The following SMAD5 variants were observed in gnomAD, a reference collection of about 807,000 sequenced individuals.
The protein encoded by SMAD5 is MAD, mothers against decapentaplegic homolog 5.
A neutral mutation model predicts 43.1 loss-of-function variants in SMAD5; 9 were observed. That is an observed-to-expected ratio of 0.21 (90% CI 0.13 to 0.36). The LOEUF (loss-of-function observed/expected upper bound fraction) is 0.36. Ranked by LOEUF, SMAD5 falls within the 10% of genes least tolerant of loss-of-function variation. The probability of loss-of-function intolerance (pLI) is 1.00; values close to 1 mark genes in which losing one functional copy is unlikely to be tolerated. For synonymous variants in SMAD5, 190 were observed against 192.4 expected (o/e 0.99, Z 0.10); for missense variants, 348 against 574.0 (o/e 0.61, Z 4.02).
chr5:136,136,399 A>G (rs938112038), intron 1 of SMAD5, among the ~76,000 whole-genome samples: 2 of 152,160 alleles, frequency 1.3e-5, no homozygotes, highest in Non-Finnish European at 2.9e-5. Context: ...GCTGGTCTTG[A>G]ACTCTTAACA....
intron 7 of SMAD5, among the ~76,000 whole-genome samples, chr5:136,176,881 C>G (rs1436095860): frequency 6.6e-6 from 1 of 152,088 alleles, no homozygotes; most frequent in Non-Finnish European, 1.5e-5. Context: ...TGTAAATACA[C>G]TGTTTCTCCT....
intron 6 of SMAD5, 46 bp from the exon 7 acceptor site, chr5:136,174,330 T>C: frequency 1.9e-6 from 3 of 1,586,358 alleles, no homozygotes; most frequent in Non-Finnish European, 2.6e-6. Flanking sequence ...TTGGTTTCAT[T>C]GTAATGATTC....
chr5:136,155,673 T>TA (rs1753610849), intron 3 of SMAD5, among the ~76,000 whole-genome samples: 2 of 152,228 alleles, frequency 1.3e-5, no homozygotes, highest in African/African-American at 4.8e-5. Flanking sequence ...GCTGTCTACT[T>TA]ATTCTCCCCC....
chr5:136,158,665 C>T (rs1263471384), intron 3 of SMAD5, among the ~76,000 whole-genome samples: 8 of 151,968 alleles, frequency 5.3e-5, no homozygotes, highest in South Asian at 2.1e-4. Context: ...TTTGGGAGGC[C>T]GAGGTGGGCA....
In SMAD5 at chr5:136,182,205, A is replaced by C. The variant is rs948639750; in HGVS notation, c.*4725A>C. ...GTGTTAGCTATAACAAAACTCCAGT[A>C]AGGCCAAAGAATCCCAAGTTCTTTG... On this transcript the variant is annotated 3_prime_UTR_variant, in exon 8 of 8. Coordinates refer to ENST00000545279, the MANE Select transcript of SMAD5 (RefSeq NM_005903.7). The C allele has an allele frequency of 1.3e-5, 2 of 151,366 alleles. No individual in the cohort carries two copies. Among genetic ancestry groups the C allele is most frequent in the African/African-American group, 4.9e-5 (2 of 40,984 alleles). The allele number at this position is 151,366 out of a possible 1,614,324, so 9.4% of individuals were successfully genotyped here. A position where few individuals can be genotyped will look rare whatever the true frequency, so the allele number is the denominator to read the frequency against.
chr5:136,147,341 T>C (rs1753293747), intron 1 of SMAD5: 2 of 151,846 alleles, frequency 1.3e-5, no homozygotes, highest in African/African-American at 4.8e-5. Flanking sequence ...GGTATAAAAA[T>C]AAGTTTGAAA....
intron 2 of SMAD5, among the ~76,000 whole-genome samples, chr5:136,151,952 G>A (rs146825421): frequency 1.3e-5 from 2 of 151,984 alleles, no homozygotes; most frequent in African/African-American, 4.8e-5. Context: ...AGTTCATTTA[G>A]TACATAACAC....
intron 1 of SMAD5, among the ~76,000 whole-genome samples, chr5:136,145,396 A>T (rs556647711): frequency 1.3e-5 from 2 of 152,084 alleles, no homozygotes; most frequent in East Asian, 3.9e-4. Flanking sequence ...AATTTGCAGG[A>T]TGGTTGTCAG....
rs913436065 is a variant in SMAD5 at position 136,178,223 on chromosome 5, T to G, written c.*743T>G. The G allele has an allele frequency of 6.6e-6, 1 of 152,640 alleles. No individual in the cohort carries two copies. Among genetic ancestry groups the G allele is most frequent in the African/African-American group, 2.4e-5 (1 of 41,434 alleles). The allele number at this position is 152,640 out of a possible 1,614,324, so 9.5% of individuals were successfully genotyped here. On this transcript the variant is annotated 3_prime_UTR_variant, in exon 8 of 8. Transcript: ENST00000545279. The stretch of plus-strand genomic sequence containing the variant: ...ACTCAAAATCTGTCATAAGCATTAC[T>G]TTATAGCTAGTGACAGTGCATGCAC...
intron 1 of SMAD5, among the ~76,000 whole-genome samples, chr5:136,140,641 T>A (rs1231778116): frequency 6.6e-6 from 1 of 152,090 alleles, no homozygotes; most frequent in Non-Finnish European, 1.5e-5. Flanking sequence ...GTTGGCACCT[T>A]CTTGGTGAGA....
chr5:136,155,731 A>G (rs1378980256), intron 3 of SMAD5, among the ~76,000 whole-genome samples: 1 of 152,124 alleles, frequency 6.6e-6, no homozygotes, highest in African/African-American at 2.4e-5. Flanking sequence ...TCCTTGCTCA[A>G]ATATCCGCAT....
Position 136,177,560 on chromosome 5 carries a change from C to A in SMAD5, c.*80C>A. On this transcript the variant is annotated 3_prime_UTR_variant, in exon 8 of 8. Transcript: ENST00000545279. Reference sequence around the variant, plus strand: ...AAACTTTGAGTACAGATACTGTGAGCTTACATTGAAAACAGATATTACAGC... The same window carrying A: ...AAACTTTGAGTACAGATACTGTGAGATTACATTGAAAACAGATATTACAGC... The A allele has an allele frequency of 9.3e-7, 1 of 1,072,400 alleles. No homozygotes were observed. The highest frequency in any genetic ancestry group is 1.6e-5 in the South Asian group (1 of 62,284). 66.4% of individuals were successfully genotyped at this position (1,072,400 alleles called of 1,614,324 possible).
At chr5:136,159,969 A>G (rs1019642972) in intron 3 of SMAD5, among the ~76,000 whole-genome samples, 3 of 152,208 alleles carry the variant, frequency 2.0e-5, no homozygotes, top group Admixed American at 6.5e-5. Flanking sequence ...ATACAGGACA[A>G]TTGTTAATGA....
rs1330182448 is a variant in SMAD5, at chr5:136,181,466, G to A, written c.*3986G>A. On this transcript the variant is annotated 3_prime_UTR_variant, in exon 8 of 8. Transcript: ENST00000545279. ...AGAAGTGTTTGGTGATTTTTATGGA[G>A]AGAGTTTTCCTAAGTGGTGGTTTAT... 6.6e-6 allele frequency: 1 copy of A among 152,130 alleles called. No homozygotes were observed. Among genetic ancestry groups the A allele is most frequent in the Non-Finnish European group, 1.5e-5 (1 of 67,986 alleles). The allele number at this position is 152,130 out of a possible 1,614,324, so 9.4% of individuals were successfully genotyped here.
chr5:136,143,919 A>G (rs1753176194), intron 1 of SMAD5, among the ~76,000 whole-genome samples: 1 of 151,968 alleles, frequency 6.6e-6, no homozygotes, highest in Admixed American at 6.6e-5. Context: ...CATATTCACC[A>G]GTATATAATC....
chr5:136,164,759 G>A (rs1475904374), intron 5 of SMAD5, among the ~76,000 whole-genome samples: 1 of 151,932 alleles, frequency 6.6e-6, no homozygotes, highest in Non-Finnish European at 1.5e-5. Context: ...TCTAGATTAT[G>A]CTTTTGGTGT....
intron 1 of SMAD5, among the ~76,000 whole-genome samples, chr5:136,136,973 A>G (rs1305668894): frequency 6.7e-6 from 1 of 150,328 alleles, no homozygotes; most frequent in Non-Finnish European, 1.5e-5. Flanking sequence ...CTGGGATTAC[A>G]GGTGTGAGCC....
At chr5:136,170,685 C>T (rs745426356) in intron 5 of SMAD5, among the ~76,000 whole-genome samples, 5 of 152,044 alleles carry the variant, frequency 3.3e-5, no homozygotes, top group Non-Finnish European at 5.9e-5. Flanking sequence ...GCTATCTTGA[C>T]GATATTGAGT....
chr5:136,148,203 A>G (rs1753328037), intron 2 of SMAD5, among the ~76,000 whole-genome samples: 1 of 151,712 alleles, frequency 6.6e-6, no homozygotes, highest in Admixed American at 6.6e-5. Flanking sequence ...ATAATTCAGT[A>G]TCATTATATG....
Sources: gnomAD v4.1 joint callset for allele counts (sites outside exome capture counted in the v4.1 genomes callset) on GRCh38, gnomAD v4.1.1 for gene constraint, MANE v1.5 for transcripts, NCBI Gene and HGNC (gene_info 2026-07-23, HGNC 2026-07-21) for gene names.